TOGARAM1: variants seen among roughly 807,000 people sequenced by gnomAD.
TOGARAM1 encodes the protein TOG array regulator of axonemal microtubules protein 1.
TOGARAM1 carries 100 observed loss-of-function variants against 166.6 expected under a neutral mutation model. The ratio of observed to expected loss-of-function variants is 0.60; its 90% CI spans 0.51 to 0.71. TOGARAM1 has a LOEUF of 0.71. Ranked by LOEUF, TOGARAM1 falls within the 30% of genes least tolerant of loss-of-function variation. The probability of loss-of-function intolerance (pLI) is 0.00; values close to 1 mark genes in which losing one functional copy is unlikely to be tolerated. For synonymous variants in TOGARAM1, 758 were observed against 763.8 expected (o/e 0.99, Z 0.13); for missense variants, 2,029 against 2,102.7 (o/e 0.96, Z 0.69).
intron 8 of TOGARAM1, among the ~76,000 whole-genome samples, chr14:45,026,587 T>C (rs1209530078): frequency 6.6e-6 from 1 of 152,186 alleles, no homozygotes; most frequent in Non-Finnish European, 1.5e-5. Context: ...TTAGAAACTT[T>C]CAACTCTGCA....
chr14:44,965,303 T>G (rs574985011), intron 1 of TOGARAM1, among the ~76,000 whole-genome samples: 12 of 152,358 alleles, frequency 7.9e-5, no homozygotes, highest in African/African-American at 2.6e-4. Context: ...AGCCTGTATT[T>G]AAATTTCCCA....
intron 10 of TOGARAM1, among the ~76,000 whole-genome samples, chr14:45,029,352 A>C (rs1257714057): frequency 2.6e-5 from 4 of 152,248 alleles, no homozygotes; most frequent in African/African-American, 9.6e-5. Flanking sequence ...ATAGTAATAA[A>C]TCATAAATTT....
At chr14:44,981,684 G>A (rs904236221) in intron 1 of TOGARAM1, among the ~76,000 whole-genome samples, 1 of 152,048 alleles carries the variant, frequency 6.6e-6, no homozygotes, top group Non-Finnish European at 1.5e-5. Flanking sequence ...AAGCACAGAG[G>A]AAAAGTTTGT....
chr14:45,024,921 C>T (rs1227360852), intron 7 of TOGARAM1, among the ~76,000 whole-genome samples: 1 of 152,134 alleles, frequency 6.6e-6, no homozygotes, highest in East Asian at 1.9e-4. Flanking sequence ...AAACCTAAAG[C>T]AATACATATT....
chr14:45,063,225 A>G (rs1882976796), intron 16 of TOGARAM1, among the ~76,000 whole-genome samples: 1 of 152,138 alleles, frequency 6.6e-6, no homozygotes, highest in Non-Finnish European at 1.5e-5. Context: ...TGGATATAGC[A>G]CACATTGTTT....
intron 1 of TOGARAM1, among the ~76,000 whole-genome samples, chr14:44,979,893 A>G (rs1304502598): frequency 1.3e-5 from 2 of 152,168 alleles, no homozygotes; most frequent in Admixed American, 1.3e-4. Flanking sequence ...TGGCTTGAAG[A>G]GATGGCATAA....
At chr14:44,995,676 G>C (rs1719445899) in intron 1 of TOGARAM1, 70 bp from the exon 2 acceptor site, 2 of 1,096,716 alleles carry the variant, frequency 1.8e-6, no homozygotes, top group Non-Finnish European at 2.6e-6. Context: ...TTGGATCTAA[G>C]TTATTTTGTC....
intron 10 of TOGARAM1, 119 bp downstream of exon 10, chr14:45,028,448 A>G (rs1398370506): frequency 4.6e-6 from 5 of 1,079,444 alleles, no homozygotes; most frequent in Non-Finnish European, 6.6e-6. Context: ...TAACACCGAA[A>G]TTTGCAAGTT....
At position 45,051,553 on chromosome 14, in the gene TOGARAM1, C is replaced by CTTTTT. The variant is rs1015760925; in HGVS notation, c.4314-863_4314-859dup. ...GATTATGGGAGCATCCCAACAGATG[C>CTTTTT]TTTTTTTTTTTTTTTTTTTTTTTTG... On this transcript the variant is annotated intron_variant, in intron 14 of 19. Coordinates refer to ENST00000361462, the MANE Select transcript of TOGARAM1 (RefSeq NM_001308120.2). 7.0e-4 allele frequency among the ~76,000 whole-genome samples: 63 copies of CTTTTT among 90,044 alleles called. 1 individual carries two copies. Among genetic ancestry groups the CTTTTT allele is most frequent in the African/African-American group, 7.5e-4 (15 of 20,098 alleles). The allele number at this position is 90,044 out of a possible 152,430, so 59.1% of individuals were successfully genotyped here.
intron 16 of TOGARAM1, among the ~76,000 whole-genome samples, chr14:45,055,800 CAA>C (rs35535638): frequency 1.3e-4 from 6 of 47,308 alleles, no homozygotes; most frequent in Non-Finnish European, 2.6e-4. Flanking sequence ...GACTCCATCT[CAA>C]AAAAAAAAAA....
chr14:45,071,841 GGATAAACT>G (rs1594713391), intron 19 of TOGARAM1, 43 bp downstream of exon 19: 2 of 1,415,528 alleles, frequency 1.4e-6, no homozygotes, highest in South Asian at 1.2e-5. Flanking sequence ...TATTAACTAA[GGATAAACT>G]GATAAACTGT....
At chr14:44,973,285 G>A (rs535680808) in intron 1 of TOGARAM1, among the ~76,000 whole-genome samples, 96 of 151,602 alleles carry the variant, frequency 6.3e-4, no homozygotes, top group African/African-American at 2.2e-3. Flanking sequence ...CCTAGAGTGT[G>A]TAATACACAT....
chr14:45,013,268 C>T (rs948105756), intron 7 of TOGARAM1, among the ~76,000 whole-genome samples: 1 of 152,202 alleles, frequency 6.6e-6, no homozygotes, highest in Admixed American at 6.5e-5. Flanking sequence ...ATTATTACCT[C>T]TTTTGTTATA....
intron 2 of TOGARAM1, among the ~76,000 whole-genome samples, chr14:44,998,638 A>C (rs940603943): frequency 6.6e-6 from 1 of 152,212 alleles, no homozygotes; most frequent in African/African-American, 2.4e-5. Flanking sequence ...TGTCTTAAAA[A>C]AAATAAAATA....
chr14:44,962,604 C>A lies in TOGARAM1; in HGVS notation c.183C>A (p.Pro61=), dbSNP rs1234002281. ...RGAAGDHGSC[P]TTTSPLASAL... ...CTGCGGGGGACCACGGTTCCTGCCC[C>A]ACTACAACTTCGCCTCTGGCCTCGG... The change falls in exon 1 of 20, where the codon CCC becomes CCA. Residue 61 remains proline (P), a synonymous_variant. Transcript: ENST00000361462. The A allele has an allele frequency of 6.2e-7, 1 of 1,613,596 alleles. No individual in the cohort carries two copies. Among genetic ancestry groups the A allele is most frequent in the Non-Finnish European group, 8.5e-7 (1 of 1,179,656 alleles).
intron 15 of TOGARAM1, among the ~76,000 whole-genome samples, chr14:45,054,218 C>T (rs1026018489): frequency 6.6e-6 from 1 of 152,088 alleles, no homozygotes. Flanking sequence ...TTTTACAAGT[C>T]AATATATATT....
At chr14:45,064,727 C>T (rs972422838) in intron 16 of TOGARAM1, among the ~76,000 whole-genome samples, 6 of 152,290 alleles carry the variant, frequency 3.9e-5, no homozygotes, top group Middle Eastern at 6.8e-3. Context: ...GTAACAGTCT[C>T]TGCTTTTTAA....
intron 15 of TOGARAM1, 99 bp from the exon 16 acceptor site, chr14:45,054,332 T>TA (rs558109404): frequency 2.2e-5 from 16 of 712,848 alleles, no homozygotes; most frequent in Non-Finnish European, 3.0e-5. Flanking sequence ...CTTTCCATCT[T>TA]AAAAAATCAA....
At chr14:44,973,838 C>G (rs867040591) in intron 1 of TOGARAM1, among the ~76,000 whole-genome samples, 24 of 151,194 alleles carry the variant, frequency 1.6e-4, no homozygotes, top group African/African-American at 5.6e-4. Context: ...AATCCACTTT[C>G]TTCTTCTTTG....
Sources: allele counts gnomAD v4.1 joint callset (sites outside exome capture counted in the v4.1 genomes callset), GRCh38; gene constraint gnomAD v4.1.1; transcripts MANE v1.5; gene names NCBI Gene and HGNC (gene_info 2026-07-23, HGNC 2026-07-21).